The following OR11A1 variants were observed in gnomAD, a reference collection of about 807,000 sequenced individuals.
The protein encoded by OR11A1 is olfactory receptor family 11 subfamily A member 1.
For synonymous variants in OR11A1, 158 were observed against 152.2 expected (o/e 1.04, Z -0.28); for missense variants, 380 against 378.2 (o/e 1.00, Z -0.04).
intron 1 of OR11A1, among the ~76,000 whole-genome samples, chr6:29,432,360 C>A (rs1300099350): frequency 6.6e-6 from 1 of 152,176 alleles, no homozygotes; most frequent in Non-Finnish European, 1.5e-5. Context: ...TTTCACCAAA[C>A]ATCTAAAGCC....
In OR11A1 at chr6:29,444,234, C is replaced by T. The variant is rs144647883; in HGVS notation, c.-388-12247G>A. ...AGCTCTCATTTTTCCTGCTACTATC[C>T]ATGTAAGATGTGATTTGCTCCTCCT... On this transcript the variant is annotated intron_variant, in intron 1 of 4. Coordinates refer to ENST00000377149, the MANE Select transcript of OR11A1 (RefSeq NM_001394828.1). Among the ~76,000 whole-genome samples the T allele has an allele frequency of 4.2e-3, 636 of 152,200 alleles. 5 individuals are homozygous for T. The highest frequency in any genetic ancestry group is 0.01 in the African/African-American group (426 of 41,516).
intron 1 of OR11A1, among the ~76,000 whole-genome samples, chr6:29,448,205 T>A (rs1473036096): frequency 7.2e-5 from 11 of 151,818 alleles, no homozygotes; most frequent in Non-Finnish European, 1.5e-5. Flanking sequence ...TTAGTAAAGA[T>A]GGGGTTTCAC....
chr6:29,440,905 A>C (rs1178582063), intron 1 of OR11A1: 4 of 1,613,600 alleles, frequency 2.5e-6, no homozygotes, highest in Non-Finnish European at 3.4e-6. Context: ...ACAGAGGTCA[A>C]AGCTGCCCTA....
rs1429327034 is a variant in OR11A1, at chr6:29,427,513, C to A, written c.129G>T (p.Gly43=). The change falls in exon 5 of 5, where the codon GGG becomes GGT. Residue 43 remains glycine (G), a synonymous_variant. Transcript: ENST00000377149. The stretch of plus-strand genomic sequence containing the variant: ...CCACTGCTACAATAATCAGCATATT[C>A]CCTATGATGATGAAGACATAGACAG... ...FTAVYVFIII[G]NMLIIVAVVS... is the part of the protein sequence containing the mutation. 1 of 1,612,670 alleles carries A rather than the reference C, an allele frequency of 6.2e-7. No individual in the cohort carries two copies. The highest frequency in any genetic ancestry group is 8.5e-7 in the Non-Finnish European group (1 of 1,179,710).
Position 29,426,548 on chromosome 6 carries a change from G to A in OR11A1, c.*146C>T. On this transcript the variant is annotated 3_prime_UTR_variant, in exon 5 of 5. Coordinates refer to ENST00000377149, the MANE Select transcript of OR11A1 (RefSeq NM_001394828.1). ...TTAAAATAAAAGTTAAAAAATTGTT[G>A]CCCTATCATTTTCATTTTTAGTATA... The A allele has an allele frequency of 3.3e-6, 2 of 605,870 alleles. No homozygotes were observed. Among genetic ancestry groups the A allele is most frequent in the Non-Finnish European group, 5.7e-6 (2 of 353,318 alleles). The allele number at this position is 605,870 out of a possible 1,614,324, so 37.5% of individuals were successfully genotyped here.
At chr6:29,440,041 C>G in intron 1 of OR11A1, 1 of 1,613,060 alleles carries the variant, frequency 6.2e-7, no homozygotes, top group South Asian at 1.1e-5. Context: ...TCCATGGTGA[C>G]TGAGTTTCTT....
chr6:29,437,867 G>A (rs755658227), intron 1 of OR11A1, among the ~76,000 whole-genome samples: 60 of 152,308 alleles, frequency 3.9e-4, no homozygotes, highest in Admixed American at 9.1e-4. Flanking sequence ...GATGAGCTGA[G>A]AGAAAACAGA....
intron 1 of OR11A1, among the ~76,000 whole-genome samples, chr6:29,442,268 T>C (rs1784269437): frequency 6.6e-6 from 1 of 152,050 alleles, no homozygotes; most frequent in Non-Finnish European, 1.5e-5. Flanking sequence ...AGCACAGATA[T>C]GAGCCAAAAA....
rs1295448804 is a variant in OR11A1 at position 29,427,449 on chromosome 6, A to G, written c.193T>C (p.Leu65=). Residue 65 remains leucine, a synonymous_variant, in exon 5 of 5, where the codon TTG becomes CTG. Coordinates refer to ENST00000377149, the MANE Select transcript of OR11A1 (RefSeq NM_001394828.1). ...ATATCCAGGAAGGACAGATTCGCCA[A>G]GAAAATATACATGGGTTTGTGGAGC... is the stretch of plus-strand genomic sequence containing the variant. ...QRLHKPMYIF[L]ANLSFLDILY... The G allele has an allele frequency of 1.2e-6, 2 of 1,613,138 alleles. No individual in the cohort carries two copies. Among genetic ancestry groups the G allele is most frequent in the Non-Finnish European group, 1.7e-6 (2 of 1,180,046 alleles).
chr6:29,456,653 C>T (rs1050735319), intron 1 of OR11A1, among the ~76,000 whole-genome samples: 1 of 152,174 alleles, frequency 6.6e-6, no homozygotes, highest in Non-Finnish European at 1.5e-5. Flanking sequence ...ACACAAAAGA[C>T]TTGTACATGA....
chr6:29,456,798 G>T (rs1468055457), intron 1 of OR11A1, among the ~76,000 whole-genome samples, 189 bp downstream of exon 1: 1 of 152,150 alleles, frequency 6.6e-6, no homozygotes, highest in Non-Finnish European at 1.5e-5. Flanking sequence ...CAGTTTCTAT[G>T]GGCCAGCAAT....
At position 29,432,017 on chromosome 6, in the gene OR11A1, T is replaced by C. The variant is rs555088000; in HGVS notation, c.-388-30A>G. 5.1e-6 allele frequency: 5 copies of C among 985,294 alleles called. No homozygotes were observed. In the East Asian group the frequency reaches 3.4e-4, roughly 67 times the overall value. The allele number at this position is 985,294 out of a possible 1,614,324, so 61.0% of individuals were successfully genotyped here. On this transcript the variant is annotated intron_variant, in intron 1 of 4. Coordinates refer to ENST00000377149, the MANE Select transcript of OR11A1 (RefSeq NM_001394828.1). ...AGTAACGTAGAACATTGATTACAAA[T>C]GTCACCCTTGTTACCCTCCACTCCT... is the stretch of plus-strand genomic sequence containing the variant.
chr6:29,428,439 C>G, intron 4 of OR11A1: 1 of 982,678 alleles, frequency 1.0e-6, no homozygotes, highest in South Asian at 4.7e-5. Flanking sequence ...AGCAAGTAGG[C>G]TAAGTTTTGA....
intron 1 of OR11A1, among the ~76,000 whole-genome samples, chr6:29,451,337 CAGAAAT>C (rs1785354514): frequency 6.6e-6 from 1 of 152,006 alleles, no homozygotes; most frequent in South Asian, 2.1e-4. Flanking sequence ...GAAACAAAAA[CAGAAAT>C]AGACAAGTGG....
chr6:29,454,631 T>C (rs560631921), intron 1 of OR11A1, among the ~76,000 whole-genome samples: 46 of 152,296 alleles, frequency 3.0e-4, no homozygotes, highest in African/African-American at 1.0e-3. Context: ...ATTTAAATCA[T>C]ATGCCTTCAA....
chr6:29,436,255 A>G (rs963550177), intron 1 of OR11A1, among the ~76,000 whole-genome samples: 17 of 152,182 alleles, frequency 1.1e-4, no homozygotes, highest in Admixed American at 1.1e-3. Flanking sequence ...TGTCCTTTTC[A>G]TGATTTCCTG....
chr6:29,443,677 C>A (rs573079017), intron 1 of OR11A1, among the ~76,000 whole-genome samples: 1 of 152,248 alleles, frequency 6.6e-6, no homozygotes, highest in African/African-American at 2.4e-5. Context: ...TGTGAAATGG[C>A]TGCATCACAT....
intron 1 of OR11A1, among the ~76,000 whole-genome samples, chr6:29,437,691 A>G (rs1195679365): frequency 1.3e-5 from 2 of 152,188 alleles, no homozygotes; most frequent in Non-Finnish European, 2.9e-5. Context: ...GATTTGTCTG[A>G]CTGTTTTCTT....
At chr6:29,448,285 G>T (rs1321334523) in intron 1 of OR11A1, among the ~76,000 whole-genome samples, 2 of 151,942 alleles carry the variant, frequency 1.3e-5, no homozygotes, top group African/African-American at 4.8e-5. Flanking sequence ...AAAGTGCTGG[G>T]ATTACAGGCG....
Sources: gnomAD v4.1 joint callset for allele counts (sites outside exome capture counted in the v4.1 genomes callset) on GRCh38, gnomAD v4.1.1 for gene constraint, MANE v1.5 for transcripts, NCBI Gene and HGNC (gene_info 2026-07-23, HGNC 2026-07-21) for gene names.